The following ZNF485 variants were observed in gnomAD, a reference collection of about 807,000 sequenced individuals.
ZNF485 encodes the protein Zinc finger protein 93 (Zinc finger protein HTF34).
In ZNF485, 9 loss-of-function variants were observed where a neutral mutation model predicts 10.8. That is an observed-to-expected ratio of 0.83 (90% CI 0.50 to 1.45). ZNF485 has a LOEUF of 1.45. Ranked by LOEUF, ZNF485 falls within the 40% of genes most tolerant of loss-of-function variation. The pLI, the probability that ZNF485 is intolerant of heterozygous loss-of-function variation, is 0.00. For synonymous variants in ZNF485, 187 were observed against 181.0 expected, an observed-to-expected ratio of 1.03 and a Z score of -0.27; for missense variants, 487 against 528.0, an observed-to-expected ratio of 0.92 and a Z score of 0.76.
intron 4 of ZNF485, among the ~76,000 whole-genome samples, chr10:43,614,108 G>A (rs189891755): frequency 2.0e-5 from 3 of 152,112 alleles, no homozygotes; most frequent in East Asian, 1.9e-4. Flanking sequence ...CCAGCTACTC[G>A]GGGAGCTAAG....
chr10:43,617,325 C>A lies in ZNF485; in HGVS notation c.1282C>A (p.His428Asn). 6.4e-7 allele frequency: 1 copy of A among 1,573,148 alleles called. No homozygotes were observed. Among genetic ancestry groups the A allele is most frequent in the Non-Finnish European group, 8.6e-7 (1 of 1,164,814 alleles). Residue 428 changes from histidine to asparagine, a missense_variant, in exon 5 of 5, where the codon CAT becomes AAT. Coordinates refer to ENST00000361807, the MANE Select transcript of ZNF485 (RefSeq NM_145312.4). ...AFPRSSALKQHKKIHNKERAM... is the reference protein window; with the variant it reads ...AFPRSSALKQNKKIHNKERAM... ...TCCCCGAAGTTCAGCCCTTAAGCAACATAAGAAAATTCATAATAAAGAAAG... is the reference window on the plus strand; with the variant it reads ...TCCCCGAAGTTCAGCCCTTAAGCAAAATAAGAAAATTCATAATAAAGAAAG...
chr10:43,617,244 C>T lies in ZNF485; in HGVS notation c.1201C>T (p.Gln401Ter). Residue 401 changes from glutamine to a stop codon, truncating the protein, a stop_gained, in exon 5 of 5, where the codon CAG (glutamine) becomes TAG (stop). Transcript: ENST00000361807. LOFTEE classifies it low-confidence loss of function (END_TRUNC). ...FRHSSGLVEH[Q>*]RLHTGEKPYK... is the part of the protein sequence containing the mutation. The stretch of plus-strand genomic sequence containing the variant: ...GCACAGCTCAGGCCTTGTTGAACAT[C>T]AGAGACTCCATACTGGGGAAAAACC... 2 of 1,614,122 alleles carry T rather than the reference C, an allele frequency of 1.2e-6. No individual in the cohort carries two copies. The highest frequency in any genetic ancestry group is 1.7e-6 in the Non-Finnish European group (2 of 1,180,006).
chr10:43,607,680 A>T (rs1838678936), intron 2 of ZNF485, among the ~76,000 whole-genome samples: 1 of 152,248 alleles, frequency 6.6e-6, no homozygotes. Flanking sequence ...AGTGTCTATT[A>T]TACAAATAAA....
At chr10:43,612,788 A>G (rs945307761) in intron 4 of ZNF485, among the ~76,000 whole-genome samples, 1 of 151,916 alleles carries the variant, frequency 6.6e-6, no homozygotes, top group African/African-American at 2.4e-5. Flanking sequence ...GAACAAAAGC[A>G]TTTGGATGTA....
At position 43,616,374 on chromosome 10, in the gene ZNF485, A is replaced by G. The variant is rs1248207484; in HGVS notation, c.331A>G (p.Ser111Gly). The change falls in exon 5 of 5, where the codon AGT (serine) becomes GGT (glycine). Residue 111 changes from serine to glycine, a missense_variant. By Grantham distance (56) the Ser-to-Gly change is moderately conservative (BLOSUM62 0). Transcript: ENST00000361807. Reference protein sequence around the residue: ...EASVLGERTKSVMMEKGLDWE... With the variant: ...EASVLGERTKGVMMEKGLDWE... ...ATCTGTTCTGGGAGAGCGAACGAAAAGTGTCATGATGGAAAAAGGCCTGGA... is the reference window on the plus strand; with the variant it reads ...ATCTGTTCTGGGAGAGCGAACGAAAGGTGTCATGATGGAAAAAGGCCTGGA... 1 of 1,613,988 alleles carries G rather than the reference A, an allele frequency of 6.2e-7. No individual in the cohort carries two copies. Among genetic ancestry groups the G allele is most frequent in the Non-Finnish European group, 8.5e-7 (1 of 1,180,014 alleles).
intron 4 of ZNF485, among the ~76,000 whole-genome samples, chr10:43,611,268 A>G (rs1564482211): frequency 6.6e-6 from 1 of 151,616 alleles, no homozygotes; most frequent in Non-Finnish European, 1.5e-5. Flanking sequence ...AGATCTCGCT[A>G]TTTTGCCCAG....
chr10:43,607,301 A>C (rs1387096477), intron 2 of ZNF485: 2 of 609,556 alleles, frequency 3.3e-6, no homozygotes, highest in African/African-American at 1.9e-5. Context: ...GTGCTTTGCA[A>C]ACTGGCAGAC....
At position 43,616,496 on chromosome 10, in the gene ZNF485, T is replaced by C. The variant is rs775542000; in HGVS notation, c.453T>C (p.Asn151=). Residue 151 remains asparagine, a synonymous_variant, in exon 5 of 5, where the codon AAT becomes AAC. Transcript: ENST00000361807. The part of the protein sequence containing the change: ...YNSSFISHQR[N]HTSEKPHKCK... ...CGTCCTTTATTAGCCACCAGAGAAA[T>C]CACACCAGTGAGAAACCACATAAAT... 3.1e-6 allele frequency: 5 copies of C among 1,613,916 alleles called. No individual in the cohort carries two copies. In the African/African-American group the frequency reaches 6.7e-5, roughly 22 times the overall value.
At chr10:43,616,202 A>T in intron 4 of ZNF485, 89 bp from the exon 5 acceptor site, 1 of 1,078,512 alleles carries the variant, frequency 9.3e-7, no homozygotes, top group Non-Finnish European at 1.3e-6. Context: ...TTAGTTATGT[A>T]GAATAGAACA....
At chr10:43,615,588 G>C (rs982459941) in intron 4 of ZNF485, among the ~76,000 whole-genome samples, 22 of 152,254 alleles carry the variant, frequency 1.4e-4, no homozygotes, top group African/African-American at 5.3e-4. Flanking sequence ...TTTTAGTAGA[G>C]ACAGGGTTTT....
intron 2 of ZNF485, among the ~76,000 whole-genome samples, chr10:43,608,359 A>G (rs1348291594): frequency 6.6e-6 from 1 of 152,172 alleles, no homozygotes; most frequent in Non-Finnish European, 1.5e-5. Context: ...GGAGAAATAG[A>G]AGACCTTTTT....
intron 2 of ZNF485, among the ~76,000 whole-genome samples, chr10:43,608,217 C>T (rs1219569764): frequency 6.6e-6 from 1 of 152,186 alleles, no homozygotes. Context: ...GCAGCAGTGA[C>T]CCACACTGTC....
chr10:43,616,261 A>T, intron 4 of ZNF485, 30 bp from the exon 5 acceptor site: 1 of 1,500,100 alleles, frequency 6.7e-7, no homozygotes, highest in Non-Finnish European at 9.0e-7. Context: ...CAACATAAAG[A>T]ACATTTGAAT....
chr10:43,612,770 A>AT (rs1291513346), intron 4 of ZNF485, among the ~76,000 whole-genome samples: 2 of 151,246 alleles, frequency 1.3e-5, no homozygotes, highest in African/African-American at 4.9e-5. Flanking sequence ...GCTCTGTTTT[A>AT]TTTTTTTGAA....
At chr10:43,608,328 C>G (rs567765312) in intron 2 of ZNF485, among the ~76,000 whole-genome samples, 14 of 152,258 alleles carry the variant, frequency 9.2e-5, no homozygotes, top group African/African-American at 3.4e-4. Flanking sequence ...GGTTTCGAGA[C>G]TGAGTGGCAG....
At position 43,617,393 on chromosome 10, in the gene ZNF485, T is replaced by G; in HGVS notation, c.*24T>G. 5.4e-6 allele frequency: 8 copies of G among 1,478,110 alleles called. No homozygotes were observed. Among genetic ancestry groups the G allele is most frequent in the Non-Finnish European group, 7.3e-6 (8 of 1,100,344 alleles). 91.6% of individuals were successfully genotyped at this position (1,478,110 alleles called of 1,614,324 possible). On this transcript the variant is annotated 3_prime_UTR_variant, in exon 5 of 5. Transcript: ENST00000361807. ...AGTGTGGCAAATTGTGCAGAGTAGTTTATTCCTTCTGACCATCATAGAGGA... is the reference window on the plus strand; with the variant it reads ...AGTGTGGCAAATTGTGCAGAGTAGTGTATTCCTTCTGACCATCATAGAGGA...
chr10:43,609,604 T>A (rs924310870), intron 4 of ZNF485, among the ~76,000 whole-genome samples: 1 of 152,240 alleles, frequency 6.6e-6, no homozygotes, highest in Non-Finnish European at 1.5e-5. Flanking sequence ...AAGCTCTTTA[T>A]GTGATTTTTC....
At chr10:43,612,878 T>C (rs1838791247) in intron 4 of ZNF485, among the ~76,000 whole-genome samples, 1 of 152,188 alleles carries the variant, frequency 6.6e-6, no homozygotes, top group Admixed American at 6.5e-5. Context: ...ATTTACTTTC[T>C]CCTAAACATT....
chr10:43,606,991 T>C lies in ZNF485; in HGVS notation c.-54-6T>C. The C allele has an allele frequency of 6.5e-7, 1 of 1,549,596 alleles. No homozygotes were observed. Among genetic ancestry groups the C allele is most frequent in the Non-Finnish European group, 8.7e-7 (1 of 1,145,098 alleles). ...GACTTCCTCAATTTCCTCTCTTCTT[T>C]CCCAGATTGACTTACGCAGGATTCT... On this transcript the variant is annotated splice_region_variant and splice_polypyrimidine_tract_variant and intron_variant, in intron 1 of 4. Transcript: ENST00000361807.
Sources: allele counts gnomAD v4.1 joint callset (sites outside exome capture counted in the v4.1 genomes callset), GRCh38; gene constraint gnomAD v4.1.1; transcripts MANE v1.5; gene names NCBI Gene and HGNC (gene_info 2026-07-23, HGNC 2026-07-21).